The following FMNL2 variants were observed in gnomAD, a reference collection of about 807,000 sequenced individuals.
FMNL2 encodes formin like 2, also known as formin-like protein 2.
FMNL2 carries 51 observed loss-of-function variants against 130.2 expected under a neutral mutation model. The ratio of observed to expected loss-of-function variants is 0.39; its 90% CI spans 0.31 to 0.49. The LOEUF (loss-of-function observed/expected upper bound fraction) is 0.49. FMNL2 is among the 20% of genes least tolerant of loss of function. The pLI is 0.85. For missense variants in FMNL2, 977 were observed against 1,316.2 expected (o/e 0.74, Z 3.99); for synonymous variants, 465 against 467.1 (o/e 1.00, Z 0.06).
At chr2:152,637,717 GC>G in intron 23 of FMNL2, 43 bp downstream of exon 23, 3 of 1,554,612 alleles carry the variant, frequency 1.9e-6, no homozygotes, top group Non-Finnish European at 2.7e-6. Flanking sequence ...TCAAGCAATT[GC>G]CCTCCTTGAG....
At chr2:152,359,966 T>C (rs1049078330) in intron 1 of FMNL2, among the ~76,000 whole-genome samples, 11 of 152,182 alleles carry the variant, frequency 7.2e-5, no homozygotes, top group African/African-American at 2.7e-4. Flanking sequence ...CTCTGTCCTC[T>C]TTTGTCGAAG....
At chr2:152,432,459 G>GCA (rs1000549115) in intron 1 of FMNL2, among the ~76,000 whole-genome samples, 11 of 152,046 alleles carry the variant, frequency 7.2e-5, no homozygotes, top group South Asian at 2.1e-4. Context: ...ACACATGCAT[G>GCA]CACACACACA....
intron 6 of FMNL2, among the ~76,000 whole-genome samples, chr2:152,562,984 A>G (rs112257349): frequency 2.1e-3 from 321 of 152,310 alleles, no homozygotes; most frequent in African/African-American, 7.2e-3. Context: ...ATAATTCAGT[A>G]TGCTTACTTT....
chr2:152,394,545 A>G (rs1355122735), intron 1 of FMNL2, among the ~76,000 whole-genome samples: 2 of 151,884 alleles, frequency 1.3e-5, no homozygotes, highest in Non-Finnish European at 2.9e-5. Context: ...GCTGGCATTC[A>G]CAGGAAATTC....
rs553974852 is a variant in FMNL2, at chr2:152,632,542, CTAGT to C, written c.2680+408_2680+411del. ...TAAACATTTTGCCTTTGCCTGGACA[CTAGT>C]TAAATTATTAGCACTTCTTGGTTGC... On this transcript the variant is annotated intron_variant, in intron 21 of 25. Coordinates refer to ENST00000288670, the MANE Select transcript of FMNL2 (RefSeq NM_052905.4). 4.7e-4 allele frequency among the ~76,000 whole-genome samples: 70 copies of C among 149,148 alleles called. No individual in the cohort carries two copies. The East Asian group carries it at 0.011, about 24-fold the overall frequency.
Position 152,395,970 on chromosome 2 carries a change from A to G in FMNL2, c.117+60250A>G, listed in dbSNP as rs115608318. Among the ~76,000 whole-genome samples the G allele has an allele frequency of 5.7e-3, 862 of 152,334 alleles. 7 individuals are homozygous for G. Among genetic ancestry groups the G allele is most frequent in the African/African-American group, 0.02 (823 of 41,560 alleles). On this transcript the variant is annotated intron_variant, in intron 1 of 25. Coordinates refer to ENST00000288670, the MANE Select transcript of FMNL2 (RefSeq NM_052905.4). ...TTGTTTCATTTTTAAAATAATTCTT[A>G]AGAGCTGCTGTCTTTCGACAGAGTC...
chr2:152,408,909 T>C lies in FMNL2; in HGVS notation c.117+73189T>C, dbSNP rs6729565. On this transcript the variant is annotated intron_variant, in intron 1 of 25. Coordinates refer to ENST00000288670, the MANE Select transcript of FMNL2 (RefSeq NM_052905.4). ...TTGGAAAATTGTAAGTCAGGGACCA[T>C]CTGTAGTTCTGTCAGGATGGGTGAA... Among the ~76,000 whole-genome samples, 1,086 of 152,334 alleles carry C rather than the reference T, an allele frequency of 7.1e-3. 17 individuals carry two copies. Among genetic ancestry groups the C allele is most frequent in the African/African-American group, 0.025 (1,020 of 41,568 alleles).
intron 1 of FMNL2, among the ~76,000 whole-genome samples, chr2:152,353,404 G>A (rs945004071): frequency 6.6e-6 from 1 of 152,128 alleles, no homozygotes; most frequent in Admixed American, 6.5e-5. Context: ...AGCCTTTTAG[G>A]TGGTAAGAGA....
intron 2 of FMNL2, among the ~76,000 whole-genome samples, chr2:152,535,343 C>T (rs1303979879): frequency 6.6e-6 from 1 of 152,166 alleles, no homozygotes; most frequent in Non-Finnish European, 1.5e-5. Flanking sequence ...CACTGCCTGC[C>T]TTCCAAAATT....
chr2:152,534,811 G>T (rs1028240863), intron 2 of FMNL2, among the ~76,000 whole-genome samples: 3 of 152,062 alleles, frequency 2.0e-5, no homozygotes, highest in East Asian at 3.9e-4. Context: ...ATAAATTCTC[G>T]CTAGTCTAAA....
chr2:152,616,895 G>C (rs897557855), intron 12 of FMNL2, among the ~76,000 whole-genome samples, 196 bp from the exon 13 acceptor site: 1 of 152,160 alleles, frequency 6.6e-6, no homozygotes, highest in African/African-American at 2.4e-5. Flanking sequence ...TAAGAATCAT[G>C]TCTAAGTTAT....
rs11407117 is a variant in FMNL2 at position 152,394,721 on chromosome 2, GTT to G, written c.117+59014_117+59015del. Among the ~76,000 whole-genome samples, 262 of 143,662 alleles carry G rather than the reference GTT, an allele frequency of 1.8e-3. 2 individuals carry two copies. The highest frequency in any genetic ancestry group is 3.5e-3 in the Middle Eastern group (1 of 284). 94.2% of individuals were successfully genotyped at this position (143,662 alleles called of 152,430 possible). On this transcript the variant is annotated intron_variant, in intron 1 of 25. Coordinates refer to ENST00000288670, the MANE Select transcript of FMNL2 (RefSeq NM_052905.4). ...TATATTACATAACATTAACTGTTGG[GTT>G]TTTTTTTTTTTTGGCCTTTGGAAGA...
intron 2 of FMNL2, among the ~76,000 whole-genome samples, chr2:152,530,947 G>A (rs1693653933): frequency 6.6e-6 from 1 of 152,160 alleles, no homozygotes; most frequent in Non-Finnish European, 1.5e-5. Context: ...TATGGTTTGG[G>A]TTTTGTAAGA....
At chr2:152,496,602 G>A (rs1691530213) in intron 1 of FMNL2, among the ~76,000 whole-genome samples, 1 of 152,122 alleles carries the variant, frequency 6.6e-6, no homozygotes, top group South Asian at 2.1e-4. Context: ...TATCACTGTG[G>A]TGTTTGCCAA....
At chr2:152,640,116 A>G (rs1280803933) in intron 24 of FMNL2, 60 bp downstream of exon 24, 5 of 1,422,932 alleles carry the variant, frequency 3.5e-6, no homozygotes, top group Non-Finnish European at 4.7e-6. Context: ...GGCTCTTCAG[A>G]GCAAGCCATA....
At chr2:152,480,965 T>C (rs768774297) in intron 1 of FMNL2, among the ~76,000 whole-genome samples, 74 of 152,184 alleles carry the variant, frequency 4.9e-4, no homozygotes, top group Middle Eastern at 3.4e-3. Context: ...AATTTCAGAG[T>C]CTCTCTCTAC....
intron 9 of FMNL2, among the ~76,000 whole-genome samples, chr2:152,582,748 C>T (rs1048074036): frequency 6.6e-5 from 10 of 152,220 alleles, no homozygotes; most frequent in African/African-American, 2.4e-4. Context: ...ACAGTATGTG[C>T]AGCTCATATA....
chr2:152,404,105 T>A (rs1685852969), intron 1 of FMNL2, among the ~76,000 whole-genome samples: 1 of 152,162 alleles, frequency 6.6e-6, no homozygotes, highest in Admixed American at 6.5e-5. Flanking sequence ...CTTCACACAT[T>A]GGTTATCAAT....
At position 152,421,637 on chromosome 2, in the gene FMNL2, A is replaced by T. The variant is rs548123111; in HGVS notation, c.117+85917A>T. The stretch of plus-strand genomic sequence containing the variant: ...TTCTCAGAGGACACTGAATTCACCT[A>T]GGAACTTCGAGAAATGTGAGATGAT... On this transcript the variant is annotated intron_variant, in intron 1 of 25. Coordinates refer to ENST00000288670, the MANE Select transcript of FMNL2 (RefSeq NM_052905.4). 2.0e-5 allele frequency among the ~76,000 whole-genome samples: 3 copies of T among 152,290 alleles called. No individual in the cohort carries two copies. In the East Asian group the frequency reaches 5.8e-4, roughly 29 times the overall value.
Sources: allele counts gnomAD v4.1 joint callset (sites outside exome capture counted in the v4.1 genomes callset), GRCh38; gene constraint gnomAD v4.1.1; transcripts MANE v1.5; gene names NCBI Gene and HGNC (gene_info 2026-07-23, HGNC 2026-07-21).